RABGAP1L: variants seen among roughly 807,000 people sequenced by gnomAD.
RABGAP1L encodes the protein rab GTPase-activating protein 1-like.
RABGAP1L carries 63 observed loss-of-function variants against 137.7 expected under a neutral mutation model. The observed-to-expected ratio is 0.46, with a 90% CI of 0.37 to 0.56. RABGAP1L has a LOEUF of 0.56. RABGAP1L is among the 20% of genes least tolerant of loss of function. The pLI is 0.00. For missense variants in RABGAP1L, 1,095 were observed against 1,244.0 expected (o/e 0.88, Z 1.80); for synonymous variants, 431 against 433.7 (o/e 0.99, Z 0.08).
chr1:174,719,216 A>AT (rs1426064070), intron 17 of RABGAP1L, among the ~76,000 whole-genome samples: 4 of 152,102 alleles, frequency 2.6e-5, no homozygotes, highest in South Asian at 2.1e-4. Context: ...CAGAATTAAG[A>AT]TTTTTTATCT....
intron 17 of RABGAP1L, among the ~76,000 whole-genome samples, chr1:174,709,655 C>G (rs1463394548): frequency 6.6e-6 from 1 of 152,130 alleles, no homozygotes; most frequent in Non-Finnish European, 1.5e-5. Context: ...GACACCCATG[C>G]AAAAATCCCA....
intron 11 of RABGAP1L, among the ~76,000 whole-genome samples, chr1:174,352,852 G>T (rs913276083): frequency 6.6e-6 from 1 of 152,162 alleles, no homozygotes; most frequent in Non-Finnish European, 1.5e-5. Flanking sequence ...CCTCTTTGGT[G>T]GTCTTCGGTA....
intron 18 of RABGAP1L, among the ~76,000 whole-genome samples, chr1:174,795,096 C>A (rs1190740605): frequency 1.3e-5 from 2 of 152,148 alleles, no homozygotes; most frequent in Admixed American, 1.3e-4. Flanking sequence ...GAGAATGACA[C>A]TTCTAGTCAT....
At chr1:174,892,666 T>C in intron 19 of RABGAP1L, 1 of 535,232 alleles carries the variant, frequency 1.9e-6, no homozygotes, top group Non-Finnish European at 3.7e-6. Context: ...CACTTTGGGA[T>C]GGTCCATCAC....
chr1:174,283,770 G>A (rs897600657), intron 10 of RABGAP1L, among the ~76,000 whole-genome samples: 8 of 152,224 alleles, frequency 5.3e-5, no homozygotes, highest in African/African-American at 1.9e-4. Flanking sequence ...GCCTCCCAAA[G>A]TGTTGGGATT....
chr1:174,386,548 C>T (rs1686798271), intron 12 of RABGAP1L, among the ~76,000 whole-genome samples: 1 of 151,300 alleles, frequency 6.6e-6, no homozygotes, highest in Non-Finnish European at 1.5e-5. Context: ...ACTCTTGTTG[C>T]CCAGGCTGGA....
intron 11 of RABGAP1L, among the ~76,000 whole-genome samples, chr1:174,362,116 A>G (rs562952768): frequency 6.6e-6 from 1 of 151,746 alleles, no homozygotes; most frequent in Non-Finnish European, 1.5e-5. Context: ...ACATGATCTC[A>G]TTTTTTTTAT....
chr1:174,693,714 G>A (rs1291058572), intron 15 of RABGAP1L, among the ~76,000 whole-genome samples: 1 of 152,082 alleles, frequency 6.6e-6, no homozygotes, highest in African/African-American at 2.4e-5. Context: ...AAATACAATA[G>A]ATACAGTAGT....
chr1:174,870,293 A>G (rs1324929985), intron 19 of RABGAP1L, among the ~76,000 whole-genome samples: 1 of 152,196 alleles, frequency 6.6e-6, no homozygotes, highest in Non-Finnish European at 1.5e-5. Flanking sequence ...CACTTTGCCT[A>G]TCTAAATTCA....
At chr1:174,744,802 G>A (rs994686171) in intron 17 of RABGAP1L, among the ~76,000 whole-genome samples, 4 of 152,130 alleles carry the variant, frequency 2.6e-5, no homozygotes, top group African/African-American at 9.7e-5. Flanking sequence ...ATCCAGAATT[G>A]CATCCTGGAC....
chr1:174,562,667 T>C (rs1486620651), intron 13 of RABGAP1L, among the ~76,000 whole-genome samples: 1 of 152,164 alleles, frequency 6.6e-6, no homozygotes, highest in African/African-American at 2.4e-5. Flanking sequence ...CGGAATACTA[T>C]TTAGCCATAA....
chr1:174,613,052 T>G (rs1189430183), intron 13 of RABGAP1L, among the ~76,000 whole-genome samples: 1 of 151,506 alleles, frequency 6.6e-6, no homozygotes, highest in East Asian at 1.9e-4. Context: ...GTGTCTCTAT[T>G]TCCTTCAGTT....
chr1:174,588,358 T>A (rs1669286329), intron 13 of RABGAP1L, among the ~76,000 whole-genome samples: 1 of 151,090 alleles, frequency 6.6e-6, no homozygotes, highest in Non-Finnish European at 1.5e-5. Flanking sequence ...GAGATGGGGG[T>A]TTCATCATGT....
chr1:174,771,537 T>C (rs1686113091), intron 18 of RABGAP1L, among the ~76,000 whole-genome samples: 1 of 152,230 alleles, frequency 6.6e-6, no homozygotes, highest in African/African-American at 2.4e-5. Flanking sequence ...TTATTTGTTA[T>C]ACTTCAAGAT....
chr1:174,963,316 C>T (rs1669331011), intron 20 of RABGAP1L, among the ~76,000 whole-genome samples: 1 of 151,858 alleles, frequency 6.6e-6, no homozygotes, highest in Admixed American at 6.6e-5. Context: ...TTGGATAATC[C>T]AGAGAGTTCA....
intron 17 of RABGAP1L, among the ~76,000 whole-genome samples, chr1:174,743,322 T>A (rs1250071259): frequency 1.3e-5 from 2 of 152,202 alleles, no homozygotes; most frequent in Admixed American, 1.3e-4. Flanking sequence ...CATACTTTTT[T>A]TTGAGAGACC....
intron 4 of RABGAP1L, among the ~76,000 whole-genome samples, chr1:174,231,976 G>A (rs1459436744): frequency 6.6e-6 from 1 of 152,070 alleles, no homozygotes; most frequent in African/African-American, 2.4e-5. Flanking sequence ...CAACAATTAC[G>A]CTTAGAATAT....
At chr1:174,434,102 T>TACACACACACACACACAC (rs1400358664) in intron 13 of RABGAP1L, among the ~76,000 whole-genome samples, 2 of 102,770 alleles carry the variant, frequency 1.9e-5, no homozygotes, top group African/African-American at 9.7e-5. Flanking sequence ...CGCATGCGTG[T>TACACACACACACACACAC]ACACATACAC....
intron 17 of RABGAP1L, among the ~76,000 whole-genome samples, chr1:174,722,184 C>T (rs1015057785): frequency 3.9e-4 from 59 of 152,240 alleles, no homozygotes; most frequent in Non-Finnish European, 7.4e-5. Context: ...CCCGCCCCAC[C>T]CACAAAGTGC....
Sources: gnomAD v4.1 joint callset for allele counts (sites outside exome capture counted in the v4.1 genomes callset) on GRCh38, gnomAD v4.1.1 for gene constraint, MANE v1.5 for transcripts, NCBI Gene and HGNC (gene_info 2026-07-23, HGNC 2026-07-21) for gene names.